Variants in TLK2 observed in about 807,000 individuals in gnomAD.
The protein encoded by TLK2 is serine/threonine-protein kinase tousled-like 2.
Under a neutral mutation model 117.3 loss-of-function variants are expected in TLK2, and 6 were observed. The observed-to-expected ratio is 0.05, with a 90% CI of 0.03 to 0.10. The LOEUF (loss-of-function observed/expected upper bound fraction) is 0.10, where lower values mean the gene tolerates loss of function less well. Ranked by LOEUF, TLK2 falls within the 10% of genes least tolerant of loss-of-function variation. TLK2 has a pLI of 1.00. For missense variants in TLK2, 299 were observed against 901.2 expected (o/e 0.33, Z 8.56); for synonymous variants, 257 against 316.7 (o/e 0.81, Z 2.00).
chr17:62,561,879 T>C (rs1003641782), intron 10 of TLK2, among the ~76,000 whole-genome samples: 8 of 152,234 alleles, frequency 5.3e-5, no homozygotes, highest in Admixed American at 1.3e-4. Flanking sequence ...CTAAATAGCA[T>C]ACTACAAAAA....
At chr17:62,589,147 CTG>C (rs1201940138) in intron 16 of TLK2, among the ~76,000 whole-genome samples, 1 of 152,042 alleles carries the variant, frequency 6.6e-6, no homozygotes, top group African/African-American at 2.4e-5. Context: ...AAAAAGTAAA[CTG>C]ATTGTTTTAT....
chr17:62,531,005 C>T (rs1281873522), intron 6 of TLK2, among the ~76,000 whole-genome samples: 1 of 151,938 alleles, frequency 6.6e-6, no homozygotes, highest in Non-Finnish European at 1.5e-5. Flanking sequence ...AAGGTATCTG[C>T]TTTTTTTCCC....
intron 1 of TLK2, among the ~76,000 whole-genome samples, chr17:62,471,538 G>A (rs2070939095): frequency 6.6e-6 from 1 of 152,190 alleles, no homozygotes; most frequent in Non-Finnish European, 1.5e-5. Context: ...TCAGAGATCA[G>A]TCTTTAGCTG....
At chr17:62,516,894 T>C in intron 2 of TLK2, 1 of 652,874 alleles carries the variant, frequency 1.5e-6, no homozygotes. Flanking sequence ...CATTTGCATG[T>C]ACATATCCAG....
chr17:62,540,174 G>A (rs2077416510), intron 7 of TLK2, among the ~76,000 whole-genome samples: 1 of 139,806 alleles, frequency 7.2e-6, no homozygotes, highest in Non-Finnish European at 1.5e-5. Flanking sequence ...CTGAACTCAA[G>A]TAATCCTCCC....
chr17:62,572,101 C>G (rs2080348005), intron 11 of TLK2, among the ~76,000 whole-genome samples: 1 of 148,666 alleles, frequency 6.7e-6, no homozygotes, highest in African/African-American at 2.5e-5. Flanking sequence ...ACTTGGGAGA[C>G]AGAGCTTGCA....
At chr17:62,589,867 C>T (rs896282818) in intron 16 of TLK2, among the ~76,000 whole-genome samples, 3 of 151,722 alleles carry the variant, frequency 2.0e-5, no homozygotes, top group African/African-American at 4.8e-5. Flanking sequence ...AGTGCAGTGG[C>T]GCGATCTCCA....
intron 21 of TLK2, chr17:62,612,074 A>ATT (rs951439238): frequency 9.0e-5 from 16 of 178,764 alleles, no homozygotes; most frequent in Non-Finnish European, 1.0e-4. Flanking sequence ...ACAAAGAGAG[A>ATT]TTTTTTTTTT....
chr17:62,507,794 A>G (rs866028273), intron 2 of TLK2, among the ~76,000 whole-genome samples: 33 of 152,172 alleles, frequency 2.2e-4, no homozygotes, highest in African/African-American at 7.9e-4. Flanking sequence ...TCTTAACCTC[A>G]GTGTTCATGG....
At chr17:62,514,915 T>TAACCATC in intron 2 of TLK2, among the ~76,000 whole-genome samples, 1 of 152,220 alleles carries the variant, frequency 6.6e-6, no homozygotes, top group South Asian at 2.1e-4. Flanking sequence ...CTTAACCATT[T>TAACCATC]TTAAGTGTAC....
At chr17:62,582,484 A>T (rs2081291665) in intron 15 of TLK2, among the ~76,000 whole-genome samples, 1 of 151,796 alleles carries the variant, frequency 6.6e-6, no homozygotes, top group Non-Finnish European at 1.5e-5. Context: ...GTTGTTATTA[A>T]TTTTTTTCCT....
rs527920674 is a variant in TLK2, at chr17:62,593,643, C to T, written c.1461-2942C>T. ...TTTCTTCCATCTCCATCTTGTCCCA[C>T]TGGAAGCTCTTCAGGGCCAATAACA... On this transcript the variant is annotated intron_variant, in intron 16 of 21. Transcript: ENST00000346027. Among the ~76,000 whole-genome samples the T allele has an allele frequency of 3.3e-5, 5 of 152,218 alleles. No homozygotes were observed. In the East Asian group the frequency reaches 9.6e-4, roughly 29 times the overall value.
chr17:62,512,861 AATTATTATT>A lies in TLK2; in HGVS notation c.82-7886_82-7878del, dbSNP rs35048188. 1.1e-3 allele frequency among the ~76,000 whole-genome samples: 161 copies of A among 141,156 alleles called. 1 individual carries two copies. Among genetic ancestry groups the A allele is most frequent in the African/African-American group, 3.2e-3 (123 of 38,854 alleles). 92.6% of individuals were successfully genotyped at this position (141,156 alleles called of 152,430 possible). A position where few individuals can be genotyped will look rare whatever the true frequency, so the allele number is the denominator to read the frequency against. On this transcript the variant is annotated intron_variant, in intron 2 of 21. Transcript: ENST00000346027. Reference sequence around the variant, plus strand: ...TTTTTTTCTCTTTTAAAAATTTATTAATTATTATTATTATTATTATTATTATTATTATTA... The same window carrying A: ...TTTTTTTCTCTTTTAAAAATTTATTAATTATTATTATTATTATTATTATTA...
intron 10 of TLK2, chr17:62,560,375 G>A: frequency 4.5e-6 from 1 of 220,260 alleles, no homozygotes; most frequent in Non-Finnish European, 9.3e-6. Context: ...TGTCCTAGTT[G>A]AGTTTATTTG....
intron 2 of TLK2, among the ~76,000 whole-genome samples, chr17:62,505,350 C>T (rs1304770814): frequency 6.6e-6 from 1 of 150,378 alleles, no homozygotes; most frequent in African/African-American, 2.5e-5. Flanking sequence ...CTTAAGTGAT[C>T]CTCACAACTC....
At chr17:62,499,466 A>G (rs558969858) in intron 2 of TLK2, among the ~76,000 whole-genome samples, 2 of 152,078 alleles carry the variant, frequency 1.3e-5, no homozygotes, top group African/African-American at 2.4e-5. Context: ...TGCCCAGCCT[A>G]TTTTTTACCT....
At chr17:62,512,213 C>CTTTTTTTTTTTTT (rs35913164) in intron 2 of TLK2, among the ~76,000 whole-genome samples, 1 of 40,644 alleles carries the variant, frequency 2.5e-5, no homozygotes, top group African/African-American at 9.3e-5. Flanking sequence ...ATCACCCCTC[C>CTTTTTTTTTTTTT]TTTTTTTTTT....
At chr17:62,478,020 G>A (rs1260282770), upstream of TLK2, 1 of 152,174 alleles carries the variant, frequency 6.6e-6, no homozygotes, top group Non-Finnish European at 1.5e-5. Context: ...ATCCCCGCGG[G>A]GGCGGGGGCT....
intron 2 of TLK2, among the ~76,000 whole-genome samples, chr17:62,490,701 G>T (rs921348810): frequency 1.3e-5 from 2 of 151,670 alleles, no homozygotes. Flanking sequence ...GCCACCGCAC[G>T]CAGCTAATTT....
Sources: allele counts gnomAD v4.1 joint callset (sites outside exome capture counted in the v4.1 genomes callset), GRCh38; gene constraint gnomAD v4.1.1; transcripts MANE v1.5; gene names NCBI Gene and HGNC (gene_info 2026-07-23, HGNC 2026-07-21).